The following ARHGAP15 variants were observed in gnomAD, a reference collection of about 807,000 sequenced individuals.
ARHGAP15 encodes Rho GTPase activating protein 15.
Under a neutral mutation model 63.7 loss-of-function variants are expected in ARHGAP15, and 51 were observed. The ratio of observed to expected loss-of-function variants is 0.80; its 90% CI spans 0.64 to 1.01. ARHGAP15 has a LOEUF of 1.01. Ranked by LOEUF, ARHGAP15 falls within the 50% of genes least tolerant of loss-of-function variation. ARHGAP15 has a pLI of 0.00. For missense variants in ARHGAP15, 560 were observed against 564.6 expected (o/e 0.99, Z 0.08); for synonymous variants, 191 against 193.8 (o/e 0.99, Z 0.12).
intron 6 of ARHGAP15, among the ~76,000 whole-genome samples, chr2:143,302,067 G>A (rs1682930854): frequency 6.6e-6 from 1 of 151,966 alleles, no homozygotes; most frequent in Admixed American, 6.6e-5. Context: ...CTATAAGCAT[G>A]TCCTTGAATG....
intron 3 of ARHGAP15, among the ~76,000 whole-genome samples, chr2:143,204,509 C>A (rs926695882): frequency 6.6e-6 from 1 of 152,036 alleles, no homozygotes; most frequent in African/African-American, 2.4e-5. Flanking sequence ...AGGCATTAAT[C>A]CTATTCATGA....
intron 13 of ARHGAP15, among the ~76,000 whole-genome samples, chr2:143,709,760 AAT>A (rs4008326): frequency 0.069 from 10,479 of 152,276 alleles, 572 homozygotes; most frequent in East Asian, 0.31. Flanking sequence ...ATGACCTAGA[AAT>A]ATAAGGGTTG....
intron 8 of ARHGAP15, among the ~76,000 whole-genome samples, chr2:143,443,569 T>C (rs1689994915): frequency 6.6e-6 from 1 of 152,058 alleles, no homozygotes; most frequent in South Asian, 2.1e-4. Flanking sequence ...ACAGACAATA[T>C]CTAAAGAATA....
intron 6 of ARHGAP15, among the ~76,000 whole-genome samples, chr2:143,358,512 T>C (rs1685899183): frequency 6.6e-6 from 1 of 151,646 alleles, no homozygotes; most frequent in South Asian, 2.1e-4. Context: ...ATTTTTGTGA[T>C]TGAAAGAAAA....
intron 6 of ARHGAP15, among the ~76,000 whole-genome samples, chr2:143,380,847 G>A (rs1390363429): frequency 6.6e-6 from 1 of 152,116 alleles, no homozygotes; most frequent in Non-Finnish European, 1.5e-5. Flanking sequence ...ATGAAAAGAA[G>A]GCTAGACAGA....
intron 12 of ARHGAP15, among the ~76,000 whole-genome samples, chr2:143,655,229 T>C (rs1417879793): frequency 1.3e-5 from 2 of 152,164 alleles, no homozygotes; most frequent in South Asian, 2.1e-4. Flanking sequence ...CAGTATACAC[T>C]GCACCATATT....
rs1160418442 is a variant in ARHGAP15 at position 143,768,213 on chromosome 2, A to T, written c.*41A>T. 1.3e-6 allele frequency: 2 copies of T among 1,483,098 alleles called. No homozygotes were observed. Among genetic ancestry groups the T allele is most frequent in the Non-Finnish European group, 1.8e-6 (2 of 1,105,948 alleles). 91.9% of individuals were successfully genotyped at this position (1,483,098 alleles called of 1,614,324 possible). ...ACTGAATACGTTCACATCTGTCTTG[A>T]TGCCTAATATTTTTACATTTCTGTA... is the stretch of plus-strand genomic sequence containing the variant. On this transcript the variant is annotated 3_prime_UTR_variant, in exon 14 of 14. Transcript: ENST00000295095.
chr2:143,657,915 T>A (rs1329535812), intron 12 of ARHGAP15, among the ~76,000 whole-genome samples: 1 of 152,248 alleles, frequency 6.6e-6, no homozygotes, highest in African/African-American at 2.4e-5. Flanking sequence ...TTCCTTCAGT[T>A]TGGTGTTCCT....
At chr2:143,266,034 A>AT (rs35167992) in intron 6 of ARHGAP15, among the ~76,000 whole-genome samples, 33,562 of 151,786 alleles carry the variant, frequency 0.22, 3,973 homozygotes, top group South Asian at 0.35. Context: ...GTGTTAAGTG[A>AT]TTTTTTTTCA....
chr2:143,487,240 T>C (rs1427038938), intron 8 of ARHGAP15, 133 bp from the exon 9 acceptor site: 7 of 1,046,408 alleles, frequency 6.7e-6, no homozygotes, highest in Admixed American at 2.5e-5. Context: ...ACATGGCTTG[T>C]TGTAGACAGA....
chr2:143,314,336 A>C (rs1683596846), intron 6 of ARHGAP15: 1 of 152,214 alleles, frequency 6.6e-6, no homozygotes, highest in Non-Finnish European at 1.5e-5. Context: ...GTTTCCAAAT[A>C]ACTCACCTTT....
Position 143,661,250 on chromosome 2 carries a change from C to T in ARHGAP15, c.1138+36983C>T, listed in dbSNP as rs573254205. Among the ~76,000 whole-genome samples, 6 of 152,302 alleles carry T rather than the reference C, an allele frequency of 3.9e-5. No individual in the cohort carries two copies. In the South Asian group the frequency reaches 1.2e-3, roughly 32 times the overall value. Reference sequence around the variant, plus strand: ...CTTAACTTGATCACACTTGCAAAGTCCCCTTTGCCACGAAGATAGCATTTT... The same window carrying T: ...CTTAACTTGATCACACTTGCAAAGTTCCCTTTGCCACGAAGATAGCATTTT... On this transcript the variant is annotated intron_variant, in intron 12 of 13. Transcript: ENST00000295095.
At chr2:143,500,694 C>T (rs1230303688) in intron 9 of ARHGAP15, among the ~76,000 whole-genome samples, 1 of 152,144 alleles carries the variant, frequency 6.6e-6, no homozygotes, top group Non-Finnish European at 1.5e-5. Context: ...CTTAAAATTG[C>T]AGACTCAAGT....
intron 13 of ARHGAP15, among the ~76,000 whole-genome samples, chr2:143,711,615 A>G (rs1362377084): frequency 6.6e-6 from 1 of 152,238 alleles, no homozygotes; most frequent in Non-Finnish European, 1.5e-5. Flanking sequence ...AATACCATAC[A>G]GTCTGATAAG....
At chr2:143,741,539 T>C (rs948965674) in intron 13 of ARHGAP15, among the ~76,000 whole-genome samples, 3 of 152,258 alleles carry the variant, frequency 2.0e-5, no homozygotes, top group Admixed American at 2.0e-4. Context: ...ATTAACATCC[T>C]ATAATATTTT....
In ARHGAP15 at chr2:143,263,920, T is replaced by C. The variant is rs1272672118; in HGVS notation, c.474+13320T>C. On this transcript the variant is annotated intron_variant, in intron 6 of 13. Coordinates refer to ENST00000295095, the MANE Select transcript of ARHGAP15 (RefSeq NM_018460.4). ...TGAAGCTGCAGTCTTTTTTTTTTTTTTTTTTTTTTTTTTTTTTTTTTTTGT... is the reference window on the plus strand; with the variant it reads ...TGAAGCTGCAGTCTTTTTTTTTTTTCTTTTTTTTTTTTTTTTTTTTTTTGT... 3.3e-3 allele frequency among the ~76,000 whole-genome samples: 362 copies of C among 108,532 alleles called. 2 individuals carry two copies. The highest frequency in any genetic ancestry group is 0.016 in the African/African-American group (341 of 21,770). The allele number at this position is 108,532 out of a possible 152,430, so 71.2% of individuals were successfully genotyped here. A position where few individuals can be genotyped will look rare whatever the true frequency, so the allele number is the denominator to read the frequency against.
At chr2:143,558,203 T>C (rs1396369237) in intron 11 of ARHGAP15, among the ~76,000 whole-genome samples, 4 of 152,168 alleles carry the variant, frequency 2.6e-5, no homozygotes, top group African/African-American at 9.7e-5. Flanking sequence ...ATATAAACTG[T>C]ACTCCCACAT....
chr2:143,413,971 GCT>G (rs1553476581), intron 6 of ARHGAP15, among the ~76,000 whole-genome samples: 2 of 147,640 alleles, frequency 1.4e-5, no homozygotes, highest in African/African-American at 5.0e-5. Flanking sequence ...GTGTGTGCGC[GCT>G]CTCTGGCAGA....
chr2:143,132,944 A>G (rs939659945), intron 1 of ARHGAP15, among the ~76,000 whole-genome samples: 1 of 152,216 alleles, frequency 6.6e-6, no homozygotes, highest in Non-Finnish European at 1.5e-5. Context: ...TTTGCCTTCT[A>G]AAAGCTTATA....
Sources: gnomAD v4.1 joint callset for allele counts (sites outside exome capture counted in the v4.1 genomes callset) on GRCh38, gnomAD v4.1.1 for gene constraint, MANE v1.5 for transcripts, NCBI Gene and HGNC (gene_info 2026-07-23, HGNC 2026-07-21) for gene names.